FANCA: variants seen among roughly 807,000 people sequenced by gnomAD.
FANCA encodes the protein Fanconi anemia group A protein.
Under a neutral mutation model 194.3 loss-of-function variants are expected in FANCA, and 236 were observed. The observed-to-expected ratio is 1.21, with a 90% CI of 1.09 to 1.35. The LOEUF is 1.35. Among genes scored for constraint, FANCA ranks in the 40% most tolerant of loss-of-function variants. The pLI is 0.00. For missense variants in FANCA, 2,628 were observed against 1,813.9 expected, an observed-to-expected ratio of 1.45 and a Z score of -8.15; for synonymous variants, 1,014 against 715.8, an observed-to-expected ratio of 1.42 and a Z score of -6.65.
intron 38 of FANCA, 51 bp downstream of exon 38, chr16:89,740,753 T>TG: frequency 6.5e-7 from 1 of 1,537,562 alleles, no homozygotes; most frequent in South Asian, 1.1e-5. Flanking sequence ...CTGGTGCCCC[T>TG]GCCTGGCCCA....
intron 6 of FANCA, among the ~76,000 whole-genome samples, chr16:89,807,866 G>A (rs1055579686): frequency 2.0e-5 from 3 of 151,790 alleles, no homozygotes; most frequent in Non-Finnish European, 2.9e-5. Context: ...CTGGGTGACA[G>A]AACGAGACTC....
chr16:89,762,815 T>A, intron 28 of FANCA: 1 of 442,106 alleles, frequency 2.3e-6, no homozygotes, highest in Non-Finnish European at 4.5e-6. Flanking sequence ...AAAAACATTT[T>A]TAGGAGGCCG....
In FANCA at chr16:89,771,808, G is replaced by A. The variant is rs17232973; in HGVS notation, c.2021C>T (p.Ser674Leu). Residue 674 changes from serine to leucine, a missense_variant, in exon 23 of 43, where the codon TCG (serine) becomes TTG (leucine). By Grantham distance (145) the Ser-to-Leu change is moderately radical (BLOSUM62 -2). Transcript: ENST00000389301. ...TTCAGAAATCACTGCCACCTGTGCC[G>A]ATATAACTGCGAAGGAAGAAACTAG... ...MTDPSQRDVI[S>L]AQVAVISERL... 4.5e-4 allele frequency: 726 copies of A among 1,613,818 alleles called. 3 individuals are homozygous for A. In the African/African-American group the frequency reaches 8.5e-3, roughly 19 times the overall value.
At chr16:89,757,848 G>A (rs1401225681) in intron 30 of FANCA, among the ~76,000 whole-genome samples, 1 of 152,158 alleles carries the variant, frequency 6.6e-6, no homozygotes, top group Non-Finnish European at 1.5e-5. Context: ...TTGAATACCA[G>A]GTGACAGAAC....
intron 15 of FANCA, among the ~76,000 whole-genome samples, chr16:89,784,422 A>T (rs8060561): frequency 0.45 from 59,042 of 132,530 alleles, 14,543 homozygotes; most frequent in East Asian, 0.75. Flanking sequence ...ACATGAAATT[A>T]AAAAAAAAAA....
At chr16:89,816,423 C>T in intron 1 of FANCA, 114 bp downstream of exon 1, 1 of 952,600 alleles carries the variant, frequency 1.0e-6, no homozygotes, top group Non-Finnish European at 1.4e-6. Context: ...GCCCCCCGGG[C>T]GCGGCGTCCG....
At chr16:89,744,415 T>C (rs6500440) in intron 36 of FANCA, among the ~76,000 whole-genome samples, 110,117 of 152,046 alleles carry the variant, frequency 0.72, 41,778 homozygotes, top group East Asian at 0.99. Flanking sequence ...GAGCCTGGAT[T>C]GCGCCAGGAG....
chr16:89,796,444 C>T (rs1432535421), intron 10 of FANCA, among the ~76,000 whole-genome samples: 1 of 152,172 alleles, frequency 6.6e-6, no homozygotes, highest in Non-Finnish European at 1.5e-5. Flanking sequence ...GAGCCCAGCA[C>T]ACCAGGGCCT....
chr16:89,781,584 G>C (rs986887230), intron 17 of FANCA, among the ~76,000 whole-genome samples: 1 of 151,050 alleles, frequency 6.6e-6, no homozygotes, highest in African/African-American at 2.4e-5. Flanking sequence ...GCTGAGGCAG[G>C]AGAATGGTGT....
At chr16:89,809,331 T>G (rs544595315) in intron 5 of FANCA, among the ~76,000 whole-genome samples, 5 of 152,328 alleles carry the variant, frequency 3.3e-5, no homozygotes, top group Admixed American at 6.5e-5. Context: ...GTGGATTTAG[T>G]GGCTTGTTTC....
intron 37 of FANCA, 96 bp downstream of exon 37, chr16:89,742,702 CTT>C: frequency 1.1e-6 from 1 of 892,458 alleles, no homozygotes. Context: ...ACATATTTGT[CTT>C]TAGAAAAACA....
intron 27 of FANCA, 135 bp downstream of exon 27, chr16:89,767,006 A>G: frequency 1.3e-6 from 1 of 768,078 alleles, no homozygotes. Context: ...GAGCTGCCCC[A>G]TGACAGCCAG....
intron 20 of FANCA, 87 bp downstream of exon 20, chr16:89,778,714 C>T (rs1419674500): frequency 1.6e-6 from 2 of 1,257,268 alleles, no homozygotes; most frequent in African/African-American, 1.6e-5. Context: ...AGTGGTCTAA[C>T]AAATTTCTCT....
At chr16:89,742,970 C>T (rs755983328) in intron 36 of FANCA, 32 bp from the exon 37 acceptor site, 60 of 1,604,814 alleles carry the variant, frequency 3.7e-5, no homozygotes, top group Non-Finnish European at 5.1e-5. Flanking sequence ...CATTGCAGGG[C>T]CTTACAACCA....
chr16:89,798,742 G>C (rs926068194), intron 10 of FANCA: 4 of 1,357,698 alleles, frequency 2.9e-6, no homozygotes, highest in South Asian at 1.5e-5. Flanking sequence ...AGGATCTGTG[G>C]AGGCCAGGCA....
chr16:89,798,539 A>C, intron 10 of FANCA: 1 of 1,111,316 alleles, frequency 9.0e-7, no homozygotes, highest in Non-Finnish European at 1.1e-6. Context: ...ACTTCACTTC[A>C]AGGTCCCCTG....
chr16:89,744,665 GTT>G (rs56850260), intron 36 of FANCA: 6 of 369,544 alleles, frequency 1.6e-5, no homozygotes, highest in South Asian at 2.5e-5. Context: ...GGCAGAGGCT[GTT>G]TTTTTTTTTG....
intron 24 of FANCA, 70 bp from the exon 25 acceptor site, chr16:89,770,329 A>G (rs2039281465): frequency 7.3e-7 from 1 of 1,370,714 alleles, no homozygotes; most frequent in African/African-American, 1.4e-5. Flanking sequence ...CAGCTAATCC[A>G]ACCACCAGCG....
chr16:89,785,000 C>G (rs764845376), intron 14 of FANCA, 36 bp from the exon 15 acceptor site: 6 of 1,510,114 alleles, frequency 4.0e-6, no homozygotes, highest in Non-Finnish European at 5.5e-6. Context: ...CCAGGACAGC[C>G]AGGCGCGGCT....
Sources: gnomAD v4.1 joint callset for allele counts (sites outside exome capture counted in the v4.1 genomes callset) on GRCh38, gnomAD v4.1.1 for gene constraint, MANE v1.5 for transcripts, NCBI Gene and HGNC (gene_info 2026-07-23, HGNC 2026-07-21) for gene names.